Variants in PCDHGA8 observed in about 807,000 individuals in gnomAD.
The protein encoded by PCDHGA8 is protocadherin gamma subfamily A, 8.
Under a neutral mutation model 59.2 loss-of-function variants are expected in PCDHGA8, and 45 were observed. The ratio of observed to expected loss-of-function variants is 0.76; its 90% confidence interval spans 0.60 to 0.98. PCDHGA8 has a LOEUF of 0.98. Ranked by LOEUF, PCDHGA8 falls within the 50% of genes least tolerant of loss-of-function variation. The pLI is 0.00. For missense variants in PCDHGA8, 1,257 were observed against 1,196.2 expected, an observed-to-expected ratio of 1.05 and a Z score of -0.75; for synonymous variants, 531 against 519.0, an observed-to-expected ratio of 1.02 and a Z score of -0.32.
chr5:141,419,333 A>G, intron 1 of PCDHGA8: 2 of 1,613,804 alleles, frequency 1.2e-6, no homozygotes, highest in South Asian at 1.1e-5. Context: ...CTACTCTCTC[A>G]TTGCCAGCGA....
chr5:141,413,230 C>T (rs2095618383), intron 1 of PCDHGA8: 4 of 1,613,826 alleles, frequency 2.5e-6, no homozygotes, highest in Non-Finnish European at 3.4e-6. Flanking sequence ...CGGGCTGGTC[C>T]TGCTCTGCCT....
Position 141,404,160 on chromosome 5 carries a change from G to A in PCDHGA8, c.2424+8923G>A, listed in dbSNP as rs1308529085. On this transcript the variant is annotated intron_variant, in intron 1 of 3. Coordinates refer to ENST00000398604, the MANE Select transcript of PCDHGA8 (RefSeq NM_032088.2). The stretch of plus-strand genomic sequence containing the variant: ...GAAAATTCAGAAGAAGATTATTACA[G>A]ATTGTTGACGGCCCAAATTCTTGAC... The A allele has an allele frequency of 3.1e-6, 5 of 1,613,054 alleles. No homozygotes were observed. In the Admixed American group the frequency reaches 6.7e-5, roughly 22 times the overall value.
In PCDHGA8 at chr5:141,472,878, C is replaced by T. The variant is rs774209715; in HGVS notation, c.2425-21929C>T. ...GCACATGCCTGTATTCCCAGCTACT[C>T]GGGAGGCTGAGGCAGGAGAATTGCT... On this transcript the variant is annotated intron_variant, in intron 1 of 3. Transcript: ENST00000398604. 6.8e-5 allele frequency among the ~76,000 whole-genome samples: 10 copies of T among 146,132 alleles called. 1 individual carries two copies. The highest frequency in any genetic ancestry group is 4.2e-4 in the East Asian group (2 of 4,758).
intron 1 of PCDHGA8, chr5:141,417,646 C>G: frequency 1.3e-6 from 1 of 797,874 alleles, no homozygotes. Context: ...GATCCCTCAG[C>G]CTCTAGCCTG....
intron 1 of PCDHGA8, chr5:141,402,800 C>T: frequency 1.9e-6 from 2 of 1,072,726 alleles, no homozygotes; most frequent in African/African-American, 1.6e-5. Flanking sequence ...ACACAAAACC[C>T]GGCAGATACC....
Position 141,409,176 on chromosome 5 carries a change from G to A in PCDHGA8, c.2424+13939G>A. On this transcript the variant is annotated intron_variant, in intron 1 of 3. Transcript: ENST00000398604. ...ATGGAAGTGGAAGCGAAGGACGGAG[G>A]TGGTCTCTCTACCCAGTGTAAAGTA... The A allele has an allele frequency of 6.2e-7, 1 of 1,614,026 alleles. No individual in the cohort carries two copies. The highest frequency in any genetic ancestry group is 8.5e-7 in the Non-Finnish European group (1 of 1,179,892).
rs771408685 is a variant in PCDHGA8, at chr5:141,486,166, G to T, written c.2425-8641G>T. ...GCGATGGGGGTTCTCCAGCCATGGA[G>T]CAACATTGCAGCCTTCGAGTGGATC... is the stretch of plus-strand genomic sequence containing the variant. On this transcript the variant is annotated intron_variant, in intron 1 of 3. Transcript: ENST00000398604. The surrounding 1 kb of genome is among the most constrained non-coding windows in gnomAD (Gnocchi z 5.0). 1.9e-6 allele frequency: 3 copies of T among 1,614,106 alleles called. No homozygotes were observed. Among genetic ancestry groups the T allele is most frequent in the Non-Finnish European group, 2.5e-6 (3 of 1,180,048 alleles).
chr5:141,452,525 G>A (rs1227647193), intron 1 of PCDHGA8, among the ~76,000 whole-genome samples: 3 of 152,126 alleles, frequency 2.0e-5, no homozygotes, highest in Admixed American at 6.5e-5. Flanking sequence ...CCTCAAAATC[G>A]TGAGTTCATA....
intron 1 of PCDHGA8, among the ~76,000 whole-genome samples, chr5:141,468,193 C>T (rs2099159672): frequency 6.6e-6 from 1 of 151,600 alleles, no homozygotes; most frequent in Non-Finnish European, 1.5e-5. Flanking sequence ...GGCATGGTGG[C>T]GGGTGCCTGT....
intron 1 of PCDHGA8, chr5:141,430,634 C>G: frequency 1.1e-6 from 1 of 882,730 alleles, no homozygotes; most frequent in Non-Finnish European, 1.7e-6. Flanking sequence ...TGAACCATCC[C>G]TGGGAGTATG....
intron 1 of PCDHGA8, among the ~76,000 whole-genome samples, chr5:141,464,436 TTTG>T (rs1043492514): frequency 1.1e-4 from 17 of 151,396 alleles, no homozygotes; most frequent in Non-Finnish European, 1.9e-4. Flanking sequence ...GATATATATG[TTTG>T]TTGTTGTTGT....
At chr5:141,404,795 G>C (rs769293241) in intron 1 of PCDHGA8, 4 of 1,614,042 alleles carry the variant, frequency 2.5e-6, no homozygotes, top group Admixed American at 1.7e-5. Flanking sequence ...CAGTGAGCCA[G>C]GGCTCTTCTC....
intron 3 of PCDHGA8, 73 bp from the exon 4 acceptor site, chr5:141,510,874 G>C: frequency 6.2e-7 from 1 of 1,610,126 alleles, no homozygotes; most frequent in Non-Finnish European, 8.5e-7. Context: ...TTCATTAACT[G>C]CTGGGGATAT....
intron 1 of PCDHGA8, chr5:141,441,986 C>A (rs2098288559): frequency 1.1e-5 from 3 of 269,098 alleles, no homozygotes; most frequent in South Asian, 7.5e-5. Context: ...GAATGCGCAC[C>A]GACGAGGTGC....
chr5:141,408,738 C>T, intron 1 of PCDHGA8: 2 of 1,609,632 alleles, frequency 1.2e-6, no homozygotes, highest in Non-Finnish European at 1.7e-6. Flanking sequence ...CCTTATTTTT[C>T]ATTAATGGTT....
intron 1 of PCDHGA8, among the ~76,000 whole-genome samples, chr5:141,453,315 T>A (rs1410108522): frequency 6.6e-6 from 1 of 151,214 alleles, no homozygotes; most frequent in African/African-American, 2.5e-5. Context: ...TTATTTATTT[T>A]AGAGATGGGG....
chr5:141,459,259 G>T (rs996530664), intron 1 of PCDHGA8, among the ~76,000 whole-genome samples: 1 of 152,140 alleles, frequency 6.6e-6, no homozygotes, highest in Non-Finnish European at 1.5e-5. Context: ...ATAAATTAGT[G>T]TTGCCTCTTT....
intron 1 of PCDHGA8, among the ~76,000 whole-genome samples, chr5:141,435,462 T>G (rs1206913100): frequency 6.6e-6 from 1 of 152,230 alleles, no homozygotes; most frequent in Non-Finnish European, 1.5e-5. Flanking sequence ...TGTATGTGTT[T>G]CCAAGTTAGA....
At position 141,476,565 on chromosome 5, in the gene PCDHGA8, C is replaced by A; in HGVS notation, c.2425-18242C>A. 1 of 1,614,184 alleles carries A rather than the reference C, an allele frequency of 6.2e-7. No homozygotes were observed. ...TTGGAGATTAGCGAGGCCGTGGCTC[C>A]GGGGACGCGCTTTCCGCTCGAGAGC... On this transcript the variant is annotated intron_variant, in intron 1 of 3. Coordinates refer to ENST00000398604, the MANE Select transcript of PCDHGA8 (RefSeq NM_032088.2). The surrounding 1 kb of genome is among the most constrained non-coding windows in gnomAD (Gnocchi z 7.6).
Sources: gnomAD v4.1 joint callset for allele counts (sites outside exome capture counted in the v4.1 genomes callset) on GRCh38, gnomAD v4.1.1 for gene constraint, Gnocchi (gnomAD v3.1) non-coding constraint, MANE v1.5 for transcripts, NCBI Gene and HGNC (gene_info 2026-07-23, HGNC 2026-07-21) for gene names.